The following CDH24 variants were observed in gnomAD, a reference collection of about 807,000 sequenced individuals.
CDH24 encodes the protein cadherin 24, also known as cadherin-24.
In CDH24, 61 loss-of-function variants were observed where a neutral mutation model predicts 71.2. The observed-to-expected ratio is 0.86, with a 90% confidence interval of 0.70 to 1.06. The LOEUF (loss-of-function observed/expected upper bound fraction) is 1.06, where lower values mean the gene tolerates loss of function less well. Among genes scored for constraint, CDH24 ranks in the 50% least tolerant of loss-of-function variants. CDH24 has a pLI of 0.00. For synonymous variants in CDH24, 440 were observed against 470.2 expected (o/e 0.94, Z 0.83); for missense variants, 961 against 1,083.7 (o/e 0.89, Z 1.59).
At position 23,054,626 on chromosome 14, in the gene CDH24, C is replaced by A; in HGVS notation, c.664G>T (p.Glu222Ter). 6.2e-7 allele frequency: 1 copy of A among 1,614,134 alleles called. No homozygotes were observed. Among genetic ancestry groups the A allele is most frequent in the Non-Finnish European group, 8.5e-7 (1 of 1,180,008 alleles). Residue 222 changes from glutamate to a stop codon, truncating the protein, a stop_gained, in exon 5 of 13, where the codon GAG becomes TAG. Coordinates refer to ENST00000487137, the MANE Select transcript of CDH24 (RefSeq NM_144985.4). LOFTEE classifies it high-confidence loss of function. This position sits in a 1 kb window ranked among gnomAD's most constrained non-coding sequence, Gnocchi z 5.2. ...TTGGCCTGGATCACCACCAAGAACTCCTCCTGTGTCTCCCGGTCCATGTTG... is the reference window on the plus strand; with the variant it reads ...TTGGCCTGGATCACCACCAAGAACTACTCCTGTGTCTCCCGGTCCATGTTG... ...IPNMDRETQE[E>*]FLVVIQAKDM...
Position 23,049,222 on chromosome 14 carries a change from G to C in CDH24, c.1651C>G (p.Pro551Ala). The part of the protein sequence containing the change: ...PSRPAPPRHA[P>A]YLVPIELWDW... ...CACAGTTCTATGGGAACCAAGTAGG[G>C]GGCATGGCGGGGTGGAGCAGGGCGG... Residue 551 changes from proline to alanine, a missense_variant, in exon 11 of 13, where the codon CCC becomes GCC. By Grantham distance (27) the Pro-to-Ala change is conservative (BLOSUM62 -1). This residue lies in a region of CDH24 where 671 missense variants were observed against 810.9 expected (regional missense o/e 0.83). Transcript: ENST00000487137. 6.4e-7 allele frequency: 1 copy of C among 1,573,512 alleles called. No individual in the cohort carries two copies. The highest frequency in any genetic ancestry group is 8.6e-7 in the Non-Finnish European group (1 of 1,158,752).
rs745701083 is a variant in CDH24, at chr14:23,053,676, T to C, written c.1046A>G (p.Tyr349Cys). ...ATCCTTGAAGGGCCCTCGCCGCAGA[T>C]AGGCTGGGTCAATGAGCGTGTTGGT... ...EATNTLIDPA[Y>C]LRRGPFKDVA... The change falls in exon 7 of 13, where the codon TAT becomes TGT. Residue 349 changes from tyrosine (Y) to cysteine (C), a missense_variant. Tyr to Cys is a radical substitution (Grantham distance 194). Transcript: ENST00000487137. The C allele has an allele frequency of 1.4e-5, 22 of 1,613,764 alleles. No homozygotes were observed. The highest frequency in any genetic ancestry group is 1.3e-4 in the East Asian group (6 of 44,904).
intron 7 of CDH24, among the ~76,000 whole-genome samples, chr14:23,053,181 GGTAA>G (rs1288410638): frequency 6.6e-6 from 1 of 152,184 alleles, no homozygotes; most frequent in Non-Finnish European, 1.5e-5. Context: ...TCAGCAAGGG[GGTAA>G]ACTGTGAAGC....
At position 23,047,942 on chromosome 14, in the gene CDH24, T is replaced by TG; in HGVS notation, c.*37dup. 1 of 1,269,060 alleles carries TG rather than the reference T, an allele frequency of 7.9e-7. No homozygotes were observed. Among genetic ancestry groups the TG allele is most frequent in the South Asian group, 2.3e-5 (1 of 43,312 alleles). The allele number at this position is 1,269,060 out of a possible 1,614,324, so 78.6% of individuals were successfully genotyped here. On this transcript the variant is annotated 3_prime_UTR_variant, in exon 12 of 13. Coordinates refer to ENST00000487137, the MANE Select transcript of CDH24 (RefSeq NM_144985.4). ...GCTCACTCAGAGGGCCTGTGCCCGC[T>TG]GCCCCCCCCCCGCGGTGGGCCGGGC...
intron 11 of CDH24, 68 bp downstream of exon 11, chr14:23,048,959 G>A: frequency 6.5e-7 from 1 of 1,546,408 alleles, no homozygotes; most frequent in African/African-American, 1.4e-5. Context: ...GTGTCCAGAG[G>A]CCTGGTTCTT....
chr14:23,054,317 A>C lies in CDH24; in HGVS notation c.796T>G (p.Phe266Val), dbSNP rs754796092. The change falls in exon 6 of 13, where the codon TTC becomes GTC. Residue 266 changes from phenylalanine to valine, a missense_variant. Phe to Val is a conservative substitution (Grantham distance 50). Transcript: ENST00000487137. This position sits in a 1 kb window ranked among gnomAD's most constrained non-coding sequence, Gnocchi z 5.2. ...PPKFPQSLYQFSVVETAGPGT... is the reference protein window; with the variant it reads ...PPKFPQSLYQVSVVETAGPGT... ...GGTCCAGCTGTCTCCACCACGGAGAACTGGTATAGGCCTTGGGATGACAGA... is the reference window on the plus strand; with the variant it reads ...GGTCCAGCTGTCTCCACCACGGAGACCTGGTATAGGCCTTGGGATGACAGA... 1 of 1,603,430 alleles carries C rather than the reference A, an allele frequency of 6.2e-7. No individual in the cohort carries two copies. Among genetic ancestry groups the C allele is most frequent in the African/African-American group, 1.3e-5 (1 of 74,694 alleles).
In CDH24 at chr14:23,051,786, G is replaced by A. The variant is rs561670983; in HGVS notation, c.1363+687C>T. On this transcript the variant is annotated intron_variant, in intron 8 of 12. Coordinates refer to ENST00000487137, the MANE Select transcript of CDH24 (RefSeq NM_144985.4). The surrounding 1 kb of genome is among the most constrained non-coding windows in gnomAD (Gnocchi z 4.4). ...TGCAGTATGAAGACAAAAGGGTGGA[G>A]GAGCCCCTGAGGCATAAGCAGGGGT... Among the ~76,000 whole-genome samples the A allele has an allele frequency of 6.6e-6, 1 of 152,322 alleles. No homozygotes were observed. Among genetic ancestry groups the A allele is most frequent in the South Asian group, 2.1e-4 (1 of 4,828 alleles).
In CDH24 at chr14:23,052,542, G is replaced by A; in HGVS notation, c.1294C>T (p.His432Tyr). ...FSIQPEEGTI[H>Y]TAAPLDREAR... ...TCGCGATCCAGGGGTGCTGCTGTAT[G>A]GATGGTGCCTTCCTCGGGCTGGATA... The change falls in exon 8 of 13, where the codon CAT becomes TAT. Residue 432 changes from histidine to tyrosine, a missense_variant. Physicochemically the swap from His to Tyr is moderately conservative, Grantham distance 83. Around this residue, in one of 2 missense-constraint regions of CDH24, gnomAD observed 671 missense variants for 810.9 expected, o/e 0.83. Transcript: ENST00000487137. The A allele has an allele frequency of 6.2e-7, 1 of 1,614,078 alleles. No homozygotes were observed. Among genetic ancestry groups the A allele is most frequent in the Non-Finnish European group, 8.5e-7 (1 of 1,179,990 alleles).
intron 8 of CDH24, chr14:23,050,160 G>A (rs894296326): frequency 1.8e-5 from 10 of 562,522 alleles, no homozygotes; most frequent in Admixed American, 1.0e-4. Context: ...AGATATGTGC[G>A]ATACACAATA....
chr14:23,052,009 G>A (rs948475979), intron 8 of CDH24: 2 of 1,589,410 alleles, frequency 1.3e-6, no homozygotes, highest in African/African-American at 1.3e-5. Flanking sequence ...GGGCTTCTCT[G>A]GGGTGGGGCT....
intron 1 of CDH24, among the ~76,000 whole-genome samples, chr14:23,056,620 T>C (rs2047132234): frequency 2.0e-5 from 3 of 152,118 alleles, no homozygotes; most frequent in African/African-American, 7.2e-5. Context: ...AGCCTGGGTG[T>C]CTGAAGGCAG....
chr14:23,049,145 C>T lies in CDH24; in HGVS notation c.1728G>A (p.Val576=). Residue 576 remains valine, a synonymous_variant, in exon 11 of 13, where the codon GTG becomes GTA. Coordinates refer to ENST00000487137, the MANE Select transcript of CDH24 (RefSeq NM_144985.4). ...LSSTATVTVS[V]CRCQPDGSVA... is the part of the protein sequence containing the mutation. The stretch of plus-strand genomic sequence containing the variant: ...CAGAGCCGTCAGGCTGGCAGCGGCA[C>T]ACACTAACAGTCACTGTGGCAGTGC... 1.3e-6 allele frequency: 2 copies of T among 1,598,014 alleles called. No individual in the cohort carries two copies. Among genetic ancestry groups the T allele is most frequent in the Non-Finnish European group, 1.7e-6 (2 of 1,172,222 alleles).
intron 8 of CDH24, among the ~76,000 whole-genome samples, chr14:23,050,614 G>A (rs1446209446): frequency 6.6e-6 from 1 of 151,992 alleles, no homozygotes; most frequent in African/African-American, 2.4e-5. Flanking sequence ...TGATCTACAG[G>A]GTGCAGAGCC....
chr14:23,052,640 T>A, intron 7 of CDH24, 31 bp from the exon 8 acceptor site: 1 of 1,609,100 alleles, frequency 6.2e-7, no homozygotes, highest in Non-Finnish European at 8.5e-7. Flanking sequence ...CTGGGGCTGA[T>A]CTGGGGCGGG....
At chr14:23,049,569 G>T in intron 10 of CDH24, 58 bp downstream of exon 10, 1 of 1,022,050 alleles carries the variant, frequency 9.8e-7, no homozygotes, top group Non-Finnish European at 1.5e-6. Context: ...GCTAGGGGTG[G>T]AGGAGGAGGA....
At chr14:23,048,950 T>A (rs2047063274) in intron 11 of CDH24, 77 bp downstream of exon 11, 1 of 1,513,980 alleles carries the variant, frequency 6.6e-7, no homozygotes, top group African/African-American at 1.4e-5. Context: ...GATTTCCCTG[T>A]GTCCAGAGGC....
chr14:23,055,684 C>G lies in CDH24; in HGVS notation c.50G>C (p.Cys17Ser), dbSNP rs185124503. The change falls in exon 2 of 13, where the codon TGC becomes TCC. Residue 17 changes from cysteine to serine, a missense_variant. By Grantham distance (112) the Cys-to-Ser change is moderately radical. This residue lies in a region of CDH24 where 671 missense variants were observed against 810.9 expected (regional missense o/e 0.83). Coordinates refer to ENST00000487137, the MANE Select transcript of CDH24 (RefSeq NM_144985.4). The surrounding 1 kb of genome is among the most constrained non-coding windows in gnomAD (Gnocchi z 4.1). The part of the protein sequence containing the change: ...LLLAWLGGWG[C>S]MGRLAAPARA... ...GGCTGGGGCTGCCAGACGCCCCATG[C>G]AGCCCCAGCCACCCAGCCAGGCCAG... is the stretch of plus-strand genomic sequence containing the variant. The G allele has an allele frequency of 6.0e-4, 965 of 1,600,268 alleles. 5 individuals are homozygous for G. The African/African-American group carries it at 0.012, about 19-fold the overall frequency.
intron 7 of CDH24, 58 bp downstream of exon 7, chr14:23,053,438 T>C: frequency 6.7e-7 from 1 of 1,493,128 alleles, no homozygotes; most frequent in Non-Finnish European, 9.0e-7. Flanking sequence ...ATTTACTCAT[T>C]CTCTGGGTGG....
At position 23,057,040 on chromosome 14, in the gene CDH24, G is replaced by T. The variant is rs73598409; in HGVS notation, c.-125+363C>A. Among the ~76,000 whole-genome samples the T allele has an allele frequency of 0.21, 32,131 of 150,568 alleles. 3,377 individuals are homozygous for T. Among genetic ancestry groups the T allele is most frequent in the South Asian group, 0.33 (1,559 of 4,742 alleles). ...GATAGCAGGAAGGGGAGAGGAGAGG[G>T]AGGGAAAGGAGAGCAAGAAAGAGAA... On this transcript the variant is annotated intron_variant, in intron 1 of 12. Transcript: ENST00000487137. This position sits in a 1 kb window ranked among gnomAD's most constrained non-coding sequence, Gnocchi z 5.4.
Sources: allele counts gnomAD v4.1 joint callset (sites outside exome capture counted in the v4.1 genomes callset), GRCh38; gene constraint gnomAD v4.1.1; regional missense constraint gnomAD v4.1.1; non-coding constraint Gnocchi (gnomAD v3.1); transcripts MANE v1.5; gene names NCBI Gene and HGNC (gene_info 2026-07-23, HGNC 2026-07-21).